DNAH12: variants seen among roughly 807,000 people sequenced by gnomAD.
DNAH12 encodes dynein axonemal heavy chain 12, also known as axonemal beta dynein heavy chain 12.
In DNAH12, 285 loss-of-function variants were observed where a neutral mutation model predicts 371.5. The observed-to-expected ratio is 0.77, with a 90% CI of 0.70 to 0.85. DNAH12 has a LOEUF of 0.85. Among genes scored for constraint, DNAH12 ranks in the 40% least tolerant of loss-of-function variants. The pLI, the probability that DNAH12 is intolerant of heterozygous loss-of-function variation, is 0.00. For synonymous variants in DNAH12, 1,200 were observed against 1,213.0 expected, an observed-to-expected ratio of 0.99 and a Z score of 0.22; for missense variants, 3,611 against 3,689.4, an observed-to-expected ratio of 0.98 and a Z score of 0.55.
intron 25 of DNAH12, among the ~76,000 whole-genome samples, chr3:57,447,535 T>G (rs2065549570): frequency 6.6e-6 from 1 of 152,188 alleles, no homozygotes; most frequent in Admixed American, 6.5e-5. Context: ...GCTATGAACC[T>G]AGAACTGCTC....
chr3:57,505,665 T>C (rs1250554357), intron 8 of DNAH12, among the ~76,000 whole-genome samples: 2 of 152,128 alleles, frequency 1.3e-5, no homozygotes, highest in African/African-American at 2.4e-5. Flanking sequence ...GGTCTCGAAC[T>C]CCTGACCTCA....
intron 11 of DNAH12, chr3:57,493,765 AC>A (rs1250193461): frequency 8.0e-4 from 118 of 148,116 alleles, no homozygotes; most frequent in African/African-American, 2.8e-3. Flanking sequence ...ATTATTGGGT[AC>A]TTGACCAGTC....
intron 55 of DNAH12, among the ~76,000 whole-genome samples, chr3:57,371,893 A>C (rs997834975): frequency 3.3e-4 from 49 of 150,668 alleles, no homozygotes; most frequent in Non-Finnish European, 6.2e-4. Context: ...GCCCCAAAAC[A>C]AAAGCAAAAA....
chr3:57,331,517 T>C (rs1006481471), intron 62 of DNAH12, among the ~76,000 whole-genome samples: 1 of 152,118 alleles, frequency 6.6e-6, no homozygotes, highest in Non-Finnish European at 1.5e-5. Flanking sequence ...ACAAAGGTCT[T>C]TGGGAATCAG....
intron 13 of DNAH12, among the ~76,000 whole-genome samples, chr3:57,479,781 T>A (rs2066670048): frequency 2.0e-5 from 3 of 151,940 alleles, no homozygotes; most frequent in Admixed American, 6.6e-5. Context: ...TCAAAACCAC[T>A]CAACTACATG....
chr3:57,519,661 A>G, intron 4 of DNAH12: 1 of 1,534,886 alleles, frequency 6.5e-7, no homozygotes, highest in Non-Finnish European at 9.0e-7. Context: ...GAAGCCTTCT[A>G]ACCGCTCTCA....
chr3:57,397,851 G>A (rs1450754494), intron 43 of DNAH12, among the ~76,000 whole-genome samples: 1 of 152,108 alleles, frequency 6.6e-6, no homozygotes, highest in East Asian at 1.9e-4. Flanking sequence ...GGGAGGGGTG[G>A]CTGTATTTCA....
chr3:57,554,180 G>T, the DNAH12 span, among the ~76,000 whole-genome samples: 1 of 134,170 alleles, frequency 7.5e-6, no homozygotes, highest in Non-Finnish European at 1.5e-5. Flanking sequence ...TCAGCTACTT[G>T]GGAGGCTGAG....
At position 57,428,883 on chromosome 3, in the gene DNAH12, C is replaced by T. The variant is rs2064866715; in HGVS notation, c.5065-62G>A. 6.3e-6 allele frequency: 9 copies of T among 1,423,808 alleles called. No individual in the cohort carries two copies. The East Asian group carries it at 2.0e-4, about 32-fold the overall frequency. 88.2% of individuals were successfully genotyped at this position (1,423,808 alleles called of 1,614,324 possible). ...TATACCAGTGGCACCTGGCAATTATCAACTATTTCTTAAGATGACTTATGA... is the reference window on the plus strand; with the variant it reads ...TATACCAGTGGCACCTGGCAATTATTAACTATTTCTTAAGATGACTTATGA... On this transcript the variant is annotated intron_variant, in intron 33 of 73. Transcript: ENST00000495027.
intron 5 of DNAH12, among the ~76,000 whole-genome samples, chr3:57,509,661 A>T (rs2067907569): frequency 6.6e-6 from 1 of 152,028 alleles, no homozygotes; most frequent in Non-Finnish European, 1.5e-5. Flanking sequence ...CAGGAGTTTG[A>T]GACCAGGCTA....
chr3:57,337,511 T>C (rs1457210605), intron 60 of DNAH12, among the ~76,000 whole-genome samples: 1 of 152,000 alleles, frequency 6.6e-6, no homozygotes, highest in Non-Finnish European at 1.5e-5. Flanking sequence ...AATAGAAAAT[T>C]AGCCAGGCAT....
At chr3:57,343,665 G>A (rs1156944812) in intron 60 of DNAH12, among the ~76,000 whole-genome samples, 1 of 152,178 alleles carries the variant, frequency 6.6e-6, no homozygotes, top group Non-Finnish European at 1.5e-5. Context: ...ATTAGTAAAA[G>A]GGGAAAGCCT....
intron 43 of DNAH12, among the ~76,000 whole-genome samples, chr3:57,400,512 C>T (rs2153350923): frequency 6.6e-6 from 1 of 152,288 alleles, no homozygotes; most frequent in South Asian, 2.1e-4. Flanking sequence ...ACAGATAGTA[C>T]TGAATCCTAC....
chr3:57,401,569 A>AG (rs2063865713), intron 43 of DNAH12, among the ~76,000 whole-genome samples: 2 of 147,996 alleles, frequency 1.4e-5, no homozygotes, highest in East Asian at 2.0e-4. Flanking sequence ...ATCTCAAAAA[A>AG]AAAAAAAAAA....
At chr3:57,417,761 G>T (rs761352579) in intron 37 of DNAH12, among the ~76,000 whole-genome samples, 5 of 152,130 alleles carry the variant, frequency 3.3e-5, no homozygotes, top group Non-Finnish European at 5.9e-5. Flanking sequence ...TCCACTGACA[G>T]ATCTTGTTAT....
chr3:57,310,897 A>C lies in DNAH12; in HGVS notation c.10716T>G (p.Thr3572=). Residue 3572 remains threonine, a synonymous_variant, in exon 67 of 74, where the codon ACT becomes ACG. Transcript: ENST00000495027. The part of the protein sequence containing the change: ...TIPFEAISYL[T]GECNYGGRVT... ...CTCTTCCTCCATAATTACACTCCCC[A>C]GTCAGGTAAGATATAGCTTCAAATG... 2 of 1,551,626 alleles carry C rather than the reference A, an allele frequency of 1.3e-6. No homozygotes were observed. The highest frequency in any genetic ancestry group is 2.4e-5 in the East Asian group (1 of 40,904).
At chr3:57,363,199 T>C (rs2062976158) in intron 58 of DNAH12, among the ~76,000 whole-genome samples, 1 of 152,186 alleles carries the variant, frequency 6.6e-6, no homozygotes, top group South Asian at 2.1e-4. Context: ...ATTTAATAAA[T>C]GGTGCTGGGG....
intron 39 of DNAH12, among the ~76,000 whole-genome samples, chr3:57,409,512 A>G (rs2153354747): frequency 6.6e-6 from 1 of 152,246 alleles, no homozygotes; most frequent in East Asian, 1.9e-4. Context: ...TATTACATGT[A>G]ATATGAGCCT....
At chr3:57,536,547 CT>C (rs1269604729) in intron 2 of DNAH12, among the ~76,000 whole-genome samples, 1 of 152,162 alleles carries the variant, frequency 6.6e-6, no homozygotes, top group Admixed American at 6.5e-5. Context: ...ACTCCTAAGA[CT>C]TTCTCACATG....
Sources: gnomAD v4.1 joint callset for allele counts (sites outside exome capture counted in the v4.1 genomes callset) on GRCh38, gnomAD v4.1.1 for gene constraint, MANE v1.5 for transcripts, NCBI Gene and HGNC (gene_info 2026-07-23, HGNC 2026-07-21) for gene names.